Variants in KLHL36 observed in about 807,000 individuals in gnomAD.
KLHL36 encodes the protein kelch-like protein 36.
Under a neutral mutation model 53.3 loss-of-function variants are expected in KLHL36, and 35 were observed. That is an observed-to-expected ratio of 0.66 (90% CI 0.50 to 0.87). The LOEUF (loss-of-function observed/expected upper bound fraction) is 0.87. Among genes scored for constraint, KLHL36 ranks in the 40% least tolerant of loss-of-function variants. The probability of loss-of-function intolerance (pLI) is 0.00; values close to 1 mark genes in which losing one functional copy is unlikely to be tolerated. For missense variants in KLHL36, 864 were observed against 897.6 expected (o/e 0.96, Z 0.48); for synonymous variants, 472 against 398.9 (o/e 1.18, Z -2.18).
rs2150731085 is a variant in KLHL36 at position 84,663,750 on chromosome 16, C to T, written c.*1617C>T. On this transcript the variant is annotated 3_prime_UTR_variant, in exon 5 of 5. Coordinates refer to ENST00000564996, the MANE Select transcript of KLHL36 (RefSeq NM_024731.4). ...TAGTTAACTTTAATTTCCATTTCTT[C>T]TGCTTCTTTGCTGCCCCTCCTTTCC... is the stretch of plus-strand genomic sequence containing the variant. The T allele has an allele frequency of 6.6e-6, 1 of 152,396 alleles. No individual in the cohort carries two copies. The highest frequency in any genetic ancestry group is 1.5e-5 in the Non-Finnish European group (1 of 68,062). 9.4% of individuals were successfully genotyped at this position (152,396 alleles called of 1,614,324 possible).
chr16:84,654,090 C>T (rs1426702442), intron 2 of KLHL36, among the ~76,000 whole-genome samples: 2 of 152,152 alleles, frequency 1.3e-5, no homozygotes, highest in African/African-American at 4.8e-5. Context: ...CCCCTGGGCT[C>T]TTTCCCTTTT....
chr16:84,656,906 G>C lies in KLHL36; in HGVS notation c.99G>C (p.Leu33=). The C allele has an allele frequency of 1.2e-6, 2 of 1,612,358 alleles. No individual in the cohort carries two copies. The highest frequency in any genetic ancestry group is 1.7e-6 in the Non-Finnish European group (2 of 1,179,720). ...YRWADHSSTV[L]QRLNEQRLRG... is the part of the protein sequence containing the mutation. ...GGGCCGACCACTCAAGCACGGTGCT[G>C]CAGCGGCTGAACGAGCAGCGTCTCC... Residue 33 remains leucine (L), a synonymous_variant, in exon 3 of 5, where the codon CTG becomes CTC. Transcript: ENST00000564996.
rs770743658 is a variant in KLHL36 at position 84,662,122 on chromosome 16, C to T, written c.1840C>T (p.Arg614Trp). The T allele has an allele frequency of 3.2e-6, 5 of 1,541,912 alleles. No homozygotes were observed. The highest frequency in any genetic ancestry group is 1.8e-6 in the Non-Finnish European group (2 of 1,141,684). ...AGGCAAAGGCAAGAGGCACCAGGAC[C>T]GGGGCCAGTGACCCTAGCTGCGCCT... is the stretch of plus-strand genomic sequence containing the variant. ...KKGKGKRHQD[R>W]GQ Residue 614 changes from arginine (R) to tryptophan (W), a missense_variant, in exon 5 of 5, where the codon CGG (arginine) becomes TGG (tryptophan). Physicochemically the swap from Arg to Trp is moderately radical, Grantham distance 101 (BLOSUM62 -3). Transcript: ENST00000564996.
At chr16:84,656,849 C>T in intron 2 of KLHL36, 22 bp from the exon 3 acceptor site, 1 of 1,579,580 alleles carries the variant, frequency 6.3e-7, no homozygotes, top group Non-Finnish European at 8.6e-7. Context: ...TGCGCCGTTT[C>T]TAATGTGTCT....
At position 84,661,997 on chromosome 16, in the gene KLHL36, C is replaced by T. The variant is rs1907586642; in HGVS notation, c.1715C>T (p.Ala572Val). 5.6e-6 allele frequency: 9 copies of T among 1,594,250 alleles called. No homozygotes were observed. In the East Asian group the frequency reaches 2.0e-4, roughly 36 times the overall value. ...ACCGTGCAGGTGTACGACCGCGAGG[C>T]CGACAAGTGGAGCAGGGGCGTCGAC... is the stretch of plus-strand genomic sequence containing the variant. The part of the protein sequence containing the change: ...SKTVQVYDRE[A>V]DKWSRGVDLP... Residue 572 changes from alanine (A) to valine (V), a missense_variant, in exon 5 of 5, where the codon GCC (alanine) becomes GTC (valine). Transcript: ENST00000564996. The surrounding 1 kb of genome is among the most constrained non-coding windows in gnomAD (Gnocchi z 7.9).
Position 84,661,750 on chromosome 16 carries a change from A to T in KLHL36, c.1468A>T (p.Ser490Cys), listed in dbSNP as rs758279823. ...GGCGCGCGGCTGGCACAGCATGTGC[A>T]GCCTGGGTGACAGCATCTACTCCAT... ...TTARGWHSMC[S>C]LGDSIYSIGG... The change falls in exon 5 of 5, where the codon AGC becomes TGC. Residue 490 changes from serine to cysteine, a missense_variant. By Grantham distance (112) the Ser-to-Cys change is moderately radical. Transcript: ENST00000564996. This position sits in a 1 kb window ranked among gnomAD's most constrained non-coding sequence, Gnocchi z 7.9. 1.9e-6 allele frequency: 3 copies of T among 1,613,428 alleles called. 1 individual carries two copies. In the East Asian group the frequency reaches 6.7e-5, roughly 36 times the overall value.
chr16:84,649,171 C>G (rs1425721713), intron 1 of KLHL36: 3 of 152,276 alleles, frequency 2.0e-5, no homozygotes, highest in African/African-American at 7.2e-5. Flanking sequence ...CTGGGATTGT[C>G]ACTGTGCTTG....
chr16:84,654,782 G>T (rs1331545262), intron 2 of KLHL36, among the ~76,000 whole-genome samples: 3 of 152,084 alleles, frequency 2.0e-5, no homozygotes, highest in Non-Finnish European at 2.9e-5. Context: ...AGCTAATTTT[G>T]TATTTTTACT....
At position 84,654,131 on chromosome 16, in the gene KLHL36, C is replaced by T. The variant is rs143811470; in HGVS notation, c.64-2740C>T. Among the ~76,000 whole-genome samples the T allele has an allele frequency of 2.4e-3, 363 of 152,304 alleles. 2 individuals carry two copies. Among genetic ancestry groups the T allele is most frequent in the Non-Finnish European group, 4.3e-3 (290 of 68,032 alleles). On this transcript the variant is annotated intron_variant, in intron 2 of 4. Coordinates refer to ENST00000564996, the MANE Select transcript of KLHL36 (RefSeq NM_024731.4). Reference sequence around the variant, plus strand: ...TGCAGTCTGGGGTTGTGTGTATCTCCGTCTAAGCATGGTAGGGCCAGCACC... The same window carrying T: ...TGCAGTCTGGGGTTGTGTGTATCTCTGTCTAAGCATGGTAGGGCCAGCACC...
chr16:84,663,911 A>G lies in KLHL36; in HGVS notation c.*1778A>G, dbSNP rs750735182. The G allele has an allele frequency of 3.3e-5, 5 of 152,152 alleles. No individual in the cohort carries two copies. The highest frequency in any genetic ancestry group is 6.5e-5 in the Admixed American group (1 of 15,274). 9.4% of individuals were successfully genotyped at this position (152,152 alleles called of 1,614,324 possible). On this transcript the variant is annotated 3_prime_UTR_variant, in exon 5 of 5. Transcript: ENST00000564996. ...GTGGTTAGTGAGGAGGGCAGTCTGC[A>G]TGTTCAGCTAGCTAGTTATTTGCAT...
intron 2 of KLHL36, among the ~76,000 whole-genome samples, chr16:84,654,510 G>T (rs922635962): frequency 1.3e-5 from 2 of 152,214 alleles, no homozygotes; most frequent in African/African-American, 4.8e-5. Flanking sequence ...AAAATAGCTG[G>T]ATATGGTGGC....
chr16:84,667,626 TC>T lies in KLHL36; in HGVS notation c.*5494del, dbSNP rs1907908384. The T allele has an allele frequency of 6.6e-6, 1 of 152,204 alleles. No individual in the cohort carries two copies. The highest frequency in any genetic ancestry group is 2.1e-4 in the South Asian group (1 of 4,822). The allele number at this position is 152,204 out of a possible 1,614,324, so 9.4% of individuals were successfully genotyped here. The stretch of plus-strand genomic sequence containing the variant: ...ATTGTAATGATGTCTGGTCCTAATT[TC>T]TCTGCCCGTATGAAAAAGAACCCCT... On this transcript the variant is annotated 3_prime_UTR_variant, in exon 5 of 5. Coordinates refer to ENST00000564996, the MANE Select transcript of KLHL36 (RefSeq NM_024731.4).
At position 84,661,671 on chromosome 16, in the gene KLHL36, G is replaced by C. The variant is rs1907558054; in HGVS notation, c.1389G>C (p.Leu463=). ...DYQIGPYRKN[L]LCYDHRTDVW... ...AAATTGGCCCCTACCGCAAGAACCT[G>C]CTATGCTACGACCACCGGACAGACG... Residue 463 remains leucine, a synonymous_variant, in exon 5 of 5, where the codon CTG becomes CTC. Transcript: ENST00000564996. The surrounding 1 kb of genome is among the most constrained non-coding windows in gnomAD (Gnocchi z 7.9). 2 of 1,613,420 alleles carry C rather than the reference G, an allele frequency of 1.2e-6. No homozygotes were observed. Among genetic ancestry groups the C allele is most frequent in the South Asian group, 2.2e-5 (2 of 91,060 alleles).
rs916132712 is a variant in KLHL36 at position 84,657,437 on chromosome 16, C to T, written c.630C>T (p.Leu210=). Residue 210 remains leucine, a synonymous_variant, in exon 3 of 5, where the codon CTC becomes CTT. Coordinates refer to ENST00000564996, the MANE Select transcript of KLHL36 (RefSeq NM_024731.4). ...SEVQRECEHD[L]LQAALQWLTQ... is the part of the protein sequence containing the mutation. Reference sequence around the variant, plus strand: ...TGCAGCGGGAGTGTGAGCACGACCTCCTGCAGGCCGCCCTGCAGTGGCTGA... The same window carrying T: ...TGCAGCGGGAGTGTGAGCACGACCTTCTGCAGGCCGCCCTGCAGTGGCTGA... 8.1e-6 allele frequency: 13 copies of T among 1,606,234 alleles called. No individual in the cohort carries two copies. The highest frequency in any genetic ancestry group is 4.0e-5 in the African/African-American group (3 of 74,936).
chr16:84,657,473 C>T lies in KLHL36; in HGVS notation c.666C>T (p.Pro222=), dbSNP rs146849400. ...QAALQWLTQQ[P]EREAHARQVL... is the part of the protein sequence containing the mutation. ...CCCTGCAGTGGCTGACGCAGCAGCC[C>T]GAGCGCGAGGCCCACGCCCGCCAGG... The change falls in exon 3 of 5, where the codon CCC becomes CCT. Residue 222 remains proline (P), a synonymous_variant. Coordinates refer to ENST00000564996, the MANE Select transcript of KLHL36 (RefSeq NM_024731.4). 66 of 1,606,876 alleles carry T rather than the reference C, an allele frequency of 4.1e-5. No homozygotes were observed. Among genetic ancestry groups the T allele is most frequent in the Middle Eastern group, 1.6e-4 (1 of 6,084 alleles).
At position 84,665,113 on chromosome 16, in the gene KLHL36, G is replaced by A. The variant is rs1220402427; in HGVS notation, c.*2980G>A. 1 of 152,240 alleles carries A rather than the reference G, an allele frequency of 6.6e-6. No individual in the cohort carries two copies. Among genetic ancestry groups the A allele is most frequent in the African/African-American group, 2.4e-5 (1 of 41,466 alleles). 9.4% of individuals were successfully genotyped at this position (152,240 alleles called of 1,614,324 possible). A position where few individuals can be genotyped will look rare whatever the true frequency, so the allele number is the denominator to read the frequency against. On this transcript the variant is annotated 3_prime_UTR_variant, in exon 5 of 5. Coordinates refer to ENST00000564996, the MANE Select transcript of KLHL36 (RefSeq NM_024731.4). The stretch of plus-strand genomic sequence containing the variant: ...ATTTGAACCGCACAGTCACGAATGT[G>A]GGGTTTTAAACTAGAGTGATGAAGG...
In KLHL36 at chr16:84,662,853, T is replaced by C. The variant is rs1907639662; in HGVS notation, c.*720T>C. 6.9e-6 allele frequency: 1 copy of C among 144,538 alleles called. No individual in the cohort carries two copies. The highest frequency in any genetic ancestry group is 1.6e-5 in the Non-Finnish European group (1 of 64,300). The allele number at this position is 144,538 out of a possible 1,614,324, so 9.0% of individuals were successfully genotyped here. A position where few individuals can be genotyped will look rare whatever the true frequency, so the allele number is the denominator to read the frequency against. Reference sequence around the variant, plus strand: ...TTCTGAATAATTCCGTCTTTCCTCATTGGAAACCTTCTTGAATTCTAAAAC... The same window carrying C: ...TTCTGAATAATTCCGTCTTTCCTCACTGGAAACCTTCTTGAATTCTAAAAC... On this transcript the variant is annotated 3_prime_UTR_variant, in exon 5 of 5. Transcript: ENST00000564996.
intron 2 of KLHL36, among the ~76,000 whole-genome samples, chr16:84,653,309 G>A (rs993455770): frequency 7.2e-5 from 11 of 152,038 alleles, no homozygotes; most frequent in Non-Finnish European, 2.9e-5. Context: ...GTAAGCCCCC[G>A]ACAACCTGAG....
intron 2 of KLHL36, among the ~76,000 whole-genome samples, chr16:84,655,593 A>G (rs1004176117): frequency 5.9e-5 from 9 of 151,554 alleles, no homozygotes; most frequent in Non-Finnish European, 1.5e-5. Context: ...AGTCCCAGCT[A>G]CTCAGGAGGC....
Sources: gnomAD v4.1 joint callset for allele counts (sites outside exome capture counted in the v4.1 genomes callset) on GRCh38, gnomAD v4.1.1 for gene constraint, Gnocchi (gnomAD v3.1) non-coding constraint, MANE v1.5 for transcripts, NCBI Gene and HGNC (gene_info 2026-07-23, HGNC 2026-07-21) for gene names.